The following RPGR variants were observed in gnomAD, a reference collection of about 807,000 sequenced individuals.
The protein encoded by RPGR is X-linked retinitis pigmentosa GTPase regulator.
A neutral mutation model predicts 56.3 loss-of-function variants in RPGR; 10 were observed. The ratio of observed to expected loss-of-function variants is 0.18; its 90% CI spans 0.11 to 0.30. The LOEUF is 0.30. RPGR is among the 10% of genes least tolerant of loss of function. RPGR has a pLI of 1.00. For missense variants in RPGR, 538 were observed against 590.9 expected (o/e 0.91, Z 0.93); for synonymous variants, 197 against 212.9 (o/e 0.93, Z 0.65).
At chrX:38,303,688 C>A (rs2067544137) in intron 8 of RPGR, 1 of 295,345 alleles carries the variant, frequency 3.4e-6, no homozygotes, top group South Asian at 2.0e-4. Flanking sequence ...ATGGGCAGGT[C>A]ATCTTCTCTG....
chrX:38,286,171 T>C, intron 15 of RPGR: 1 of 562,738 alleles, frequency 1.8e-6, no homozygotes, highest in Non-Finnish European at 2.3e-6. Flanking sequence ...CCCTTCTCCA[T>C]CCTCCCCTTC....
intron 8 of RPGR, 40 bp downstream of exon 8, chrX:38,304,595 C>A: frequency 9.7e-7 from 1 of 1,034,707 alleles, no homozygotes; most frequent in Non-Finnish European, 1.4e-6. Context: ...ATAAAATATA[C>A]CCAGTTCTAT....
chrX:38,297,261 G>A (rs2067401774), intron 11 of RPGR, 23 bp downstream of exon 11: 1 of 1,198,757 alleles, frequency 8.3e-7, no homozygotes, highest in Non-Finnish European at 1.1e-6. Context: ...TATCCTGAGA[G>A]CAGACAGAGT....
At chrX:38,274,152 C>T (rs1330109097) in intron 17 of RPGR, among the ~76,000 whole-genome samples, 3 of 111,908 alleles carry the variant, frequency 2.7e-5, no homozygotes, top group African/African-American at 6.5e-5. Flanking sequence ...ATCATACTGC[C>T]GTGTGATGGT....
rs1312351401 is a variant in RPGR at position 38,269,207 on chromosome X, T to C, written c.*419A>G. The C allele has an allele frequency of 8.4e-6, 1 of 119,438 alleles. No individual in the cohort carries two copies. Among genetic ancestry groups the C allele is most frequent in the Non-Finnish European group, 1.7e-5 (1 of 58,000 alleles). The allele number at this position is 119,438 out of a possible 1,213,427, so 9.8% of individuals were successfully genotyped here. ...GATATAGTTTATTAAAATATGTTCA[T>C]TATAAACAATTTTACCTCAGTTTTG... On this transcript the variant is annotated 3_prime_UTR_variant, in exon 19 of 19. Transcript: ENST00000642395.
At chrX:38,322,482 C>T (rs149790708) in intron 3 of RPGR, among the ~76,000 whole-genome samples, 2,277 of 111,937 alleles carry the variant, frequency 0.02, 30 homozygotes, top group Admixed American at 0.07. Context: ...ATAATGTCCA[C>T]AACTGTATTA....
intron 15 of RPGR, among the ~76,000 whole-genome samples, chrX:38,282,602 C>T (rs952865365): frequency 7.1e-5 from 8 of 111,960 alleles, no homozygotes; most frequent in African/African-American, 1.6e-4. Context: ...CCCTTATTCT[C>T]GATCTTGCTG....
At position 38,291,606 on chromosome X, in the gene RPGR, T is replaced by C. The variant is rs1357851723; in HGVS notation, c.1415-122A>G. On this transcript the variant is annotated intron_variant, in intron 11 of 18. Coordinates refer to ENST00000642395, the MANE Select transcript of RPGR (RefSeq NM_000328.3). ...AGGTATAATTTTACTAAAAGTCCTT[T>C]AACCTCATGTCAGGGAAATTGAAAA... The C allele has an allele frequency of 2.7e-5, 12 of 437,080 alleles. No homozygotes were observed. In the Admixed American group the frequency reaches 3.2e-4, roughly 12 times the overall value. The allele number at this position is 437,080 out of a possible 1,213,427, so 36.0% of individuals were successfully genotyped here.
chrX:38,287,025 G>T lies in RPGR; in HGVS notation c.1905+69C>A. The T allele has an allele frequency of 8.3e-7, 1 of 1,210,196 alleles. No individual in the cohort carries two copies. The highest frequency in any genetic ancestry group is 1.1e-6 in the Non-Finnish European group (1 of 895,192). ...CTGCTCCTGAACTACCTTCCTCACA[G>T]GTTCCATCCCCTCTACCTTCAGGCC... is the stretch of plus-strand genomic sequence containing the variant. On this transcript the variant is annotated intron_variant, in intron 15 of 18. Transcript: ENST00000642395.
intron 15 of RPGR, among the ~76,000 whole-genome samples, chrX:38,280,005 A>G (rs377694112): frequency 9.0e-6 from 1 of 111,036 alleles, no homozygotes; most frequent in East Asian, 2.8e-4. Flanking sequence ...AAGGGCATTA[A>G]ATACAAAGCC....
Position 38,301,297 on chromosome X carries a change from G to A in RPGR, c.1009C>T (p.His337Tyr). 2 of 1,203,888 alleles carry A rather than the reference G, an allele frequency of 1.7e-6. No homozygotes were observed. The highest frequency in any genetic ancestry group is 2.3e-6 in the Non-Finnish European group (2 of 888,411). Residue 337 changes from histidine to tyrosine, a missense_variant, in exon 9 of 19, where the codon CAC becomes TAC. Transcript: ENST00000642395. ...TTAGAGCACAAAGTAGGAATGAAGT[G>A]ATTGGTAAAATTCTCCAGTCCAAGT...
chrX:38,320,912 C>A lies in RPGR; in HGVS notation c.310+115G>T, dbSNP rs761181861. The A allele has an allele frequency of 8.7e-5, 51 of 587,253 alleles. No homozygotes were observed. In the African/African-American group the frequency reaches 1.0e-3, roughly 12 times the overall value. The allele number at this position is 587,253 out of a possible 1,213,427, so 48.4% of individuals were successfully genotyped here. On this transcript the variant is annotated intron_variant, in intron 4 of 18. Coordinates refer to ENST00000642395, the MANE Select transcript of RPGR (RefSeq NM_000328.3). ...ACTAGCCATTGACATTTTAAAAAAC[C>A]CTAATTTTACTGTTGCCAAAGTATA...
At chrX:38,277,140 C>A (rs1485858627) in intron 15 of RPGR, among the ~76,000 whole-genome samples, 2 of 112,020 alleles carry the variant, frequency 1.8e-5, no homozygotes, top group African/African-American at 3.2e-5. Flanking sequence ...ATAATCATAT[C>A]TATATATTAT....
At position 38,287,146 on chromosome X, in the gene RPGR, C is replaced by T. The variant is rs1430847089; in HGVS notation, c.1853G>A (p.Gly618Glu). The T allele has an allele frequency of 8.3e-7, 1 of 1,210,772 alleles. No individual in the cohort carries two copies. The change falls in exon 15 of 19, where the codon GGA becomes GAA. Residue 618 changes from glycine to glutamate, a missense_variant. Physicochemically the swap from Gly to Glu is moderately conservative, Grantham distance 98. This residue lies in a region of RPGR where 357 missense variants were observed against 325.8 expected (regional missense o/e 1.10). Coordinates refer to ENST00000642395, the MANE Select transcript of RPGR (RefSeq NM_000328.3). ...TAGGATCTCTGTTTTCTCCTTTCTT[C>T]CTCCATGCACCTTCACATTTTCCTC...
chrX:38,276,479 TGGGA>T, intron 16 of RPGR: 5 of 749,027 alleles, frequency 6.7e-6, no homozygotes, highest in Non-Finnish European at 1.0e-5. Context: ...CATGTATTCA[TGGGA>T]GTATTTCTGA....
Position 38,282,768 on chromosome X carries a change from T to C in RPGR, c.1905+4326A>G, listed in dbSNP as rs1202255576. Among the ~76,000 whole-genome samples, 3 of 85,780 alleles carry C rather than the reference T, an allele frequency of 3.5e-5. No individual in the cohort carries two copies. In the Admixed American group the frequency reaches 3.8e-4, roughly 11 times the overall value. 74.5% of individuals were successfully genotyped at this position (85,780 alleles called of 115,157 possible). The stretch of plus-strand genomic sequence containing the variant: ...ACATTTCAGTTGCACTCACCTTGAC[T>C]GCTGCTGTTCAGCAGCAGCAGCAGC... On this transcript the variant is annotated intron_variant, in intron 15 of 18. Coordinates refer to ENST00000642395, the MANE Select transcript of RPGR (RefSeq NM_000328.3).
intron 10 of RPGR, 131 bp downstream of exon 10, chrX:38,298,820 CACTCA>C (rs1411632003): frequency 6.4e-6 from 4 of 629,058 alleles, no homozygotes; most frequent in Non-Finnish European, 7.3e-6. Context: ...AGTTTGTTAG[CACTCA>C]ACTCTAATAA....
At chrX:38,311,929 G>A (rs191865421) in intron 6 of RPGR, among the ~76,000 whole-genome samples, 87 of 112,036 alleles carry the variant, frequency 7.8e-4, no homozygotes, top group African/African-American at 2.8e-3. Flanking sequence ...GGAAGCCCAA[G>A]CTTGACTTCT....
At chrX:38,300,726 G>A (rs1489462796) in intron 9 of RPGR, among the ~76,000 whole-genome samples, 1 of 110,823 alleles carries the variant, frequency 9.0e-6, no homozygotes. Context: ...TTAGTGACAG[G>A]GTTTCACCAT....
Sources: allele counts gnomAD v4.1 joint callset (sites outside exome capture counted in the v4.1 genomes callset), GRCh38; gene constraint gnomAD v4.1.1; regional missense constraint gnomAD v4.1.1; transcripts MANE v1.5; gene names NCBI Gene and HGNC (gene_info 2026-07-23, HGNC 2026-07-21).